Variants in EXOC4 observed in about 807,000 individuals in gnomAD.
EXOC4 encodes the protein SEC8-like 1.
In EXOC4, 71 loss-of-function variants were observed where a neutral mutation model predicts 107.2. The observed-to-expected ratio is 0.66, with a 90% CI of 0.55 to 0.81. The LOEUF (loss-of-function observed/expected upper bound fraction) is 0.81, where lower values mean the gene tolerates loss of function less well. EXOC4 is among the 30% of genes least tolerant of loss of function. The pLI, the probability that EXOC4 is intolerant of heterozygous loss-of-function variation, is 0.00. For synonymous variants in EXOC4, 456 were observed against 441.2 expected (o/e 1.03, Z -0.42); for missense variants, 1,108 against 1,189.6 (o/e 0.93, Z 1.01).
In EXOC4 at chr7:133,650,191, A is replaced by T. The variant is rs1300914178; in HGVS notation, c.1514+20050A>T. ...CTGGAGAGTTCTCTCACATGGCATG[A>T]TTAGCAATTGTGTGTGAAATGATTA... On this transcript the variant is annotated intron_variant, in intron 10 of 17. Coordinates refer to ENST00000253861, the MANE Select transcript of EXOC4 (RefSeq NM_021807.4). 3.3e-5 allele frequency among the ~76,000 whole-genome samples: 5 copies of T among 152,118 alleles called. No homozygotes were observed. The East Asian group carries it at 9.7e-4, about 29-fold the overall frequency.
chr7:133,873,731 A>C (rs1235448766), intron 11 of EXOC4, among the ~76,000 whole-genome samples: 10 of 152,226 alleles, frequency 6.6e-5, no homozygotes, highest in Admixed American at 2.0e-4. Flanking sequence ...GTGAAATCTG[A>C]AAGTTTGAAA....
intron 7 of EXOC4, among the ~76,000 whole-genome samples, chr7:133,432,264 T>A (rs1049697580): frequency 6.6e-6 from 1 of 152,146 alleles, no homozygotes; most frequent in Admixed American, 6.6e-5. Flanking sequence ...TGTGTTCAAA[T>A]TCTGGCTCTA....
chr7:133,716,664 CG>C (rs1265312838), intron 10 of EXOC4, among the ~76,000 whole-genome samples: 1 of 152,076 alleles, frequency 6.6e-6, no homozygotes, highest in Non-Finnish European at 1.5e-5. Context: ...ATTCTTTGGC[CG>C]GGCACTGTGG....
At chr7:133,861,323 G>A (rs1195273792) in intron 11 of EXOC4, among the ~76,000 whole-genome samples, 1 of 152,052 alleles carries the variant, frequency 6.6e-6, no homozygotes, top group African/African-American at 2.4e-5. Context: ...TAGTTACCTG[G>A]GTGGCAAAAT....
chr7:133,986,913 A>G lies in EXOC4; in HGVS notation c.2207-10579A>G, dbSNP rs541168789. ...CTTGATAGCAGCATATCCCTTAGGCATTTAAGGAGAGGAAAGAAGTTAGAT... is the reference window on the plus strand; with the variant it reads ...CTTGATAGCAGCATATCCCTTAGGCGTTTAAGGAGAGGAAAGAAGTTAGAT... On this transcript the variant is annotated intron_variant, in intron 14 of 17. Transcript: ENST00000253861. 2.5e-4 allele frequency among the ~76,000 whole-genome samples: 38 copies of G among 152,266 alleles called. No individual in the cohort carries two copies. In the South Asian group the frequency reaches 2.7e-3, roughly 11 times the overall value.
chr7:134,080,246 C>A, the EXOC4 span, among the ~76,000 whole-genome samples: 1 of 150,010 alleles, frequency 6.7e-6, no homozygotes, highest in Non-Finnish European at 1.5e-5. Flanking sequence ...AAACAAAATT[C>A]TACTATTTTC....
At chr7:133,517,019 A>G (rs1316721282) in intron 9 of EXOC4, among the ~76,000 whole-genome samples, 2 of 152,102 alleles carry the variant, frequency 1.3e-5, no homozygotes, top group Non-Finnish European at 2.9e-5. Flanking sequence ...CAAGGGACAT[A>G]AGTATGCCAT....
chr7:133,282,826 A>C (rs578185542), intron 2 of EXOC4, among the ~76,000 whole-genome samples: 12 of 152,152 alleles, frequency 7.9e-5, no homozygotes, highest in Non-Finnish European at 1.8e-4. Flanking sequence ...TCAGGCATAC[A>C]ATACATTGTT....
At chr7:133,598,411 CTTATTGTATGTGGCTGT>C (rs1398384086) in intron 9 of EXOC4, among the ~76,000 whole-genome samples, 1 of 152,142 alleles carries the variant, frequency 6.6e-6, no homozygotes, top group African/African-American at 2.4e-5. Context: ...GACTGCAGAA[CTTATTGTATGTGGCTGT>C]CCTGTCTGGC....
At chr7:133,771,678 T>C (rs989640198) in intron 10 of EXOC4, among the ~76,000 whole-genome samples, 2 of 151,990 alleles carry the variant, frequency 1.3e-5, no homozygotes, top group African/African-American at 4.8e-5. Flanking sequence ...TTAATAGTTT[T>C]TACAAACAGC....
chr7:133,511,329 G>T (rs1799764525), intron 9 of EXOC4, among the ~76,000 whole-genome samples: 1 of 152,098 alleles, frequency 6.6e-6, no homozygotes, highest in Non-Finnish European at 1.5e-5. Flanking sequence ...GACAAAGAGG[G>T]TTTGGGTTTC....
In EXOC4 at chr7:134,021,722, G is replaced by GAAA. The variant is rs60762484; in HGVS notation, c.2687+13909_2687+13911dup. Among the ~76,000 whole-genome samples, 362 of 53,726 alleles carry GAAA rather than the reference G, an allele frequency of 6.7e-3. 4 individuals carry two copies. Among genetic ancestry groups the GAAA allele is most frequent in the African/African-American group, 0.027 (317 of 11,956 alleles). The allele number at this position is 53,726 out of a possible 152,430, so 35.2% of individuals were successfully genotyped here. On this transcript the variant is annotated intron_variant, in intron 17 of 17. Coordinates refer to ENST00000253861, the MANE Select transcript of EXOC4 (RefSeq NM_021807.4). Reference sequence around the variant, plus strand: ...CTCAGTTGCAGATGGAGTCAAACCAGAAAAAAAAAAAAAAAAAAAAAAAAG... The same window carrying GAAA: ...CTCAGTTGCAGATGGAGTCAAACCAGAAAAAAAAAAAAAAAAAAAAAAAAAAAG...
At chr7:133,784,289 A>G (rs1796525167) in intron 10 of EXOC4, among the ~76,000 whole-genome samples, 1 of 152,178 alleles carries the variant, frequency 6.6e-6, no homozygotes, top group Non-Finnish European at 1.5e-5. Flanking sequence ...AGGACAGAAA[A>G]ATGCACCTTT....
intron 14 of EXOC4, among the ~76,000 whole-genome samples, chr7:133,964,476 C>T (rs1237508293): frequency 6.6e-6 from 1 of 152,142 alleles, no homozygotes; most frequent in African/African-American, 2.4e-5. Flanking sequence ...TCTCCCTCCC[C>T]TAGCCCCCGA....
chr7:133,816,257 A>G lies in EXOC4; in HGVS notation c.1515-1068A>G, dbSNP rs1397833795. 2.0e-5 allele frequency among the ~76,000 whole-genome samples: 3 copies of G among 152,338 alleles called. No individual in the cohort carries two copies. The East Asian group carries it at 5.8e-4, about 29-fold the overall frequency. On this transcript the variant is annotated intron_variant, in intron 10 of 17. Coordinates refer to ENST00000253861, the MANE Select transcript of EXOC4 (RefSeq NM_021807.4). ...GACTGATGTTATTTAACTAAAAAAC[A>G]GTAGTAACTTCAATTTGTTCATATT...
intron 9 of EXOC4, among the ~76,000 whole-genome samples, chr7:133,610,540 C>G (rs1158646255): frequency 6.6e-6 from 1 of 152,232 alleles, no homozygotes; most frequent in East Asian, 1.9e-4. Flanking sequence ...CATCATGTAG[C>G]TTTTCACATG....
chr7:133,610,534 A>G (rs899982475), intron 9 of EXOC4, among the ~76,000 whole-genome samples: 10 of 152,096 alleles, frequency 6.6e-5, no homozygotes, highest in African/African-American at 9.7e-5. Flanking sequence ...CTTTTTCATC[A>G]TGTAGCTTTT....
intron 12 of EXOC4, among the ~76,000 whole-genome samples, chr7:133,915,704 A>G (rs1012474037): frequency 1.3e-5 from 2 of 152,202 alleles, no homozygotes; most frequent in East Asian, 3.9e-4. Context: ...TAAAAGTTAG[A>G]TTGTTGGATT....
At chr7:133,635,399 C>T (rs1001932271) in intron 10 of EXOC4, among the ~76,000 whole-genome samples, 3 of 151,934 alleles carry the variant, frequency 2.0e-5, no homozygotes, top group African/African-American at 4.8e-5. Context: ...TTATTCTCTC[C>T]AAGTCTAAAA....
Sources: gnomAD v4.1 joint callset for allele counts (sites outside exome capture counted in the v4.1 genomes callset) on GRCh38, gnomAD v4.1.1 for gene constraint, MANE v1.5 for transcripts, NCBI Gene and HGNC (gene_info 2026-07-23, HGNC 2026-07-21) for gene names.